The following CDC14B variants were observed in gnomAD, a reference collection of about 807,000 sequenced individuals.
The protein encoded by CDC14B is cell division cycle 14B.
A neutral mutation model predicts 64.2 loss-of-function variants in CDC14B; 22 were observed. The observed-to-expected ratio is 0.34, with a 90% CI of 0.24 to 0.49. The LOEUF (loss-of-function observed/expected upper bound fraction) is 0.49. CDC14B is among the 20% of genes least tolerant of loss of function. The probability of loss-of-function intolerance (pLI) is 0.99; values close to 1 mark genes in which losing one functional copy is unlikely to be tolerated. For missense variants in CDC14B, 498 were observed against 629.9 expected, an observed-to-expected ratio of 0.79 and a Z score of 2.24; for synonymous variants, 191 against 215.8, an observed-to-expected ratio of 0.89 and a Z score of 1.01.
At chr9:96,525,891 G>A (rs950962782) in intron 9 of CDC14B, among the ~76,000 whole-genome samples, 2 of 151,994 alleles carry the variant, frequency 1.3e-5, no homozygotes, top group African/African-American at 2.4e-5. Context: ...TGAAGTGAAG[G>A]GACATAAATT....
chr9:96,582,503 T>C (rs567805117), intron 1 of CDC14B, among the ~76,000 whole-genome samples: 1 of 152,298 alleles, frequency 6.6e-6, no homozygotes, highest in African/African-American at 2.4e-5. Context: ...CTGGGACAAA[T>C]ACAGAATGTA....
chr9:96,597,911 T>C (rs1013027691), intron 1 of CDC14B, among the ~76,000 whole-genome samples: 13 of 152,146 alleles, frequency 8.5e-5, no homozygotes, highest in Non-Finnish European at 2.9e-5. Flanking sequence ...GCATAAAGGC[T>C]AGGATGGGAG....
intron 1 of CDC14B, chr9:96,618,788 C>A (rs781251984): frequency 3.4e-5 from 12 of 350,774 alleles, no homozygotes; most frequent in Non-Finnish European, 5.5e-5. Context: ...GCGCGTTCAG[C>A]GCGCTCGGGG....
At chr9:96,543,884 A>G (rs1840429844) in intron 5 of CDC14B, among the ~76,000 whole-genome samples, 1 of 152,196 alleles carries the variant, frequency 6.6e-6, no homozygotes, top group Non-Finnish European at 1.5e-5. Context: ...TGTGGTAGTT[A>G]CATAAATACA....
chr9:96,617,734 G>C (rs1847720619), intron 1 of CDC14B, among the ~76,000 whole-genome samples: 1 of 152,182 alleles, frequency 6.6e-6, no homozygotes, highest in African/African-American at 2.4e-5. Context: ...GAGACTGTGA[G>C]ACCAACTTTT....
Position 96,515,698 on chromosome 9 carries a change from C to A in CDC14B, c.1344-5909G>T, listed in dbSNP as rs765052708. 1.2e-6 allele frequency: 2 copies of A among 1,602,040 alleles called. No homozygotes were observed. The highest frequency in any genetic ancestry group is 1.7e-6 in the Non-Finnish European group (2 of 1,174,784). On this transcript the variant is annotated intron_variant, in intron 12 of 13. Coordinates refer to ENST00000375241, the MANE Select transcript of CDC14B (RefSeq NM_033331.4). The surrounding 1 kb of genome is among the most constrained non-coding windows in gnomAD (Gnocchi z 4.3). The stretch of plus-strand genomic sequence containing the variant: ...GATGGCTACTGTGTTCTGAAACCAT[C>A]GAGACAGAATAGCAGGATGGGAAGA...
At chr9:96,506,355 T>C (rs1191203448) in intron 13 of CDC14B, among the ~76,000 whole-genome samples, 1 of 152,196 alleles carries the variant, frequency 6.6e-6, no homozygotes, top group African/African-American at 2.4e-5. Flanking sequence ...ATGAATAATA[T>C]TCAGTAGGAT....
chr9:96,507,088 G>A (rs145488975), intron 13 of CDC14B, among the ~76,000 whole-genome samples: 108 of 152,326 alleles, frequency 7.1e-4, no homozygotes, highest in African/African-American at 2.5e-3. Flanking sequence ...GAGGTCAGGA[G>A]TTCAAGATCA....
chr9:96,505,990 CCT>C (rs1834069929), intron 13 of CDC14B, among the ~76,000 whole-genome samples: 1 of 152,168 alleles, frequency 6.6e-6, no homozygotes. Flanking sequence ...AGCTGAAGAG[CCT>C]CTCAGTAAAA....
chr9:96,601,049 T>C (rs1192259451), intron 1 of CDC14B, among the ~76,000 whole-genome samples: 1 of 152,124 alleles, frequency 6.6e-6, no homozygotes, highest in Non-Finnish European at 1.5e-5. Context: ...CTACATTATA[T>C]GAAATAGGAA....
chr9:96,555,456 C>G (rs1842388541), intron 4 of CDC14B, among the ~76,000 whole-genome samples: 3 of 152,172 alleles, frequency 2.0e-5, no homozygotes, highest in Admixed American at 2.0e-4. Context: ...CAGACCAGAC[C>G]CAACCAAGTT....
intron 9 of CDC14B, among the ~76,000 whole-genome samples, chr9:96,529,582 C>T (rs982534822): frequency 1.3e-5 from 2 of 150,848 alleles, no homozygotes; most frequent in South Asian, 2.1e-4. Context: ...GCCTCAACCT[C>T]GCAGGTTCAA....
chr9:96,603,191 C>T (rs16911400), intron 1 of CDC14B, among the ~76,000 whole-genome samples: 8,146 of 150,544 alleles, frequency 0.054, 754 homozygotes, highest in African/African-American at 0.19. Context: ...CACACACACA[C>T]AAATACACAA....
At chr9:96,598,828 T>C (rs902759080) in intron 1 of CDC14B, among the ~76,000 whole-genome samples, 1 of 152,156 alleles carries the variant, frequency 6.6e-6, no homozygotes, top group African/African-American at 2.4e-5. Context: ...AGCATTTTAA[T>C]ACCTAAAGAC....
intron 1 of CDC14B, among the ~76,000 whole-genome samples, chr9:96,598,165 C>T (rs1846205564): frequency 6.6e-6 from 1 of 152,134 alleles, no homozygotes; most frequent in Non-Finnish European, 1.5e-5. Flanking sequence ...AAATTGGAAA[C>T]AGCCCAATAG....
At chr9:96,566,875 A>T (rs1407330244) in intron 1 of CDC14B, 1 of 1,569,284 alleles carries the variant, frequency 6.4e-7, no homozygotes, top group Admixed American at 1.9e-5. Context: ...CCGAGAGGGG[A>T]GGCGCCGCGA....
At chr9:96,572,749 T>C (rs1844548319) in intron 1 of CDC14B, among the ~76,000 whole-genome samples, 1 of 152,224 alleles carries the variant, frequency 6.6e-6, no homozygotes. Context: ...TCATTTCCAA[T>C]TAAGTCTTTG....
intron 13 of CDC14B, among the ~76,000 whole-genome samples, chr9:96,506,190 T>C (rs117056124): frequency 0.011 from 1,743 of 152,280 alleles, 23 homozygotes; most frequent in Non-Finnish European, 0.016. Flanking sequence ...GTGCTCTATT[T>C]TTTTTTCTAC....
chr9:96,548,767 CT>C (rs1284083207), intron 5 of CDC14B, among the ~76,000 whole-genome samples: 2 of 150,566 alleles, frequency 1.3e-5, no homozygotes, highest in African/African-American at 4.9e-5. Context: ...CGCCACTGAA[CT>C]CCAGCCTGGG....
Sources: gnomAD v4.1 joint callset for allele counts (sites outside exome capture counted in the v4.1 genomes callset) on GRCh38, gnomAD v4.1.1 for gene constraint, Gnocchi (gnomAD v3.1) non-coding constraint, MANE v1.5 for transcripts, NCBI Gene and HGNC (gene_info 2026-07-23, HGNC 2026-07-21) for gene names.